The following KIAA1586 variants were observed in gnomAD, a reference collection of about 807,000 sequenced individuals.
The protein encoded by KIAA1586 is KIAA1586, also known as E3 SUMO-protein ligase KIAA1586.
Under a neutral mutation model 6.1 loss-of-function variants are expected in KIAA1586, and 5 were observed. The ratio of observed to expected loss-of-function variants is 0.82; its 90% CI spans 0.43 to 1.73. The LOEUF (loss-of-function observed/expected upper bound fraction) is 1.73. Ranked by LOEUF, KIAA1586 falls within the 40% of genes most tolerant of loss-of-function variation. KIAA1586 has a pLI of 0.02. For synonymous variants in KIAA1586, 280 were observed against 301.7 expected, an observed-to-expected ratio of 0.93 and a Z score of 0.75; for missense variants, 899 against 878.2, an observed-to-expected ratio of 1.02 and a Z score of -0.30.
chr6:57,063,367 G>A, the KIAA1586 span, among the ~76,000 whole-genome samples: 1 of 149,202 alleles, frequency 6.7e-6, no homozygotes, highest in Non-Finnish European at 1.5e-5. Context: ...CCCAGTAAAA[G>A]TATTTTTAAA....
chr6:57,064,025 T>G, the KIAA1586 span, among the ~76,000 whole-genome samples: 2 of 152,162 alleles, frequency 1.3e-5, no homozygotes, highest in African/African-American at 4.8e-5. Flanking sequence ...GTGTAAGACA[T>G]CAGTAACACT....
At chr6:57,062,515 G>A in the KIAA1586 span, among the ~76,000 whole-genome samples, 1 of 152,140 alleles carries the variant, frequency 6.6e-6, no homozygotes, top group South Asian at 2.1e-4. Flanking sequence ...TGGAGTGACT[G>A]CTCTTAAATA....
chr6:57,054,766 C>A lies in KIAA1586; in HGVS notation c.2267C>A (p.Ser756Ter). 2 of 1,551,200 alleles carry A rather than the reference C, an allele frequency of 1.3e-6. No individual in the cohort carries two copies. Among genetic ancestry groups the A allele is most frequent in the South Asian group, 2.4e-5 (2 of 83,976 alleles). ...WDATPFVKSW[S>*]NCNHRLATDT... ...GCAACACCGTTTGTAAAATCTTGGT[C>A]AAATTGCAACCACAGGTTGGCTACA... Residue 756 changes from serine to a stop codon, truncating the protein, a stop_gained, in exon 4 of 4, where the codon TCA becomes TAA. Coordinates refer to ENST00000370733, the MANE Select transcript of KIAA1586 (RefSeq NM_020931.4). LOFTEE classifies it high-confidence loss of function.
rs1192446775 is a variant in KIAA1586, at chr6:57,055,049, C to T, written c.*186C>T. ...AGCTATAGTTTTTTAGAGATTGGCC[C>T]ATGTTTGCTAGAGTGGGTCATAATA... On this transcript the variant is annotated 3_prime_UTR_variant, in exon 4 of 4. Coordinates refer to ENST00000370733, the MANE Select transcript of KIAA1586 (RefSeq NM_020931.4). The T allele has an allele frequency of 1.6e-6, 1 of 613,182 alleles. No individual in the cohort carries two copies. The highest frequency in any genetic ancestry group is 2.6e-6 in the Non-Finnish European group (1 of 386,044). The allele number at this position is 613,182 out of a possible 1,614,324, so 38.0% of individuals were successfully genotyped here.
Position 57,053,299 on chromosome 6 carries a change from A to T in KIAA1586, c.800A>T (p.Glu267Val). ...VKHNRPLSDI[E>V]GARELQEKNG... ...CATAACAGACCTTTATCTGATATTG[A>T]GGGGGCAAGAGAATTACAGGAAAAA... The change falls in exon 4 of 4, where the codon GAG (glutamate) becomes GTG (valine). Residue 267 changes from glutamate (E) to valine (V), a missense_variant. Transcript: ENST00000370733. 1 of 1,612,284 alleles carries T rather than the reference A, an allele frequency of 6.2e-7. No homozygotes were observed. Among genetic ancestry groups the T allele is most frequent in the East Asian group, 2.2e-5 (1 of 44,830 alleles).
Position 57,053,282 on chromosome 6 carries a change from A to T in KIAA1586, c.783A>T (p.Arg261Ser), listed in dbSNP as rs768171856. The T allele has an allele frequency of 6.2e-7, 1 of 1,609,712 alleles. No individual in the cohort carries two copies. Residue 261 changes from arginine to serine, a missense_variant, in exon 4 of 4, where the codon AGA (arginine) becomes AGT (serine). Transcript: ENST00000370733. ...NTVYSLVKHN[R>S]PLSDIEGARE... Reference sequence around the variant, plus strand: ...TTTACAGTTTAGTAAAACATAACAGACCTTTATCTGATATTGAGGGGGCAA... The same window carrying T: ...TTTACAGTTTAGTAAAACATAACAGTCCTTTATCTGATATTGAGGGGGCAA...
At chr6:57,050,024 C>T (rs1344845961) in intron 2 of KIAA1586, among the ~76,000 whole-genome samples, 1 of 151,576 alleles carries the variant, frequency 6.6e-6, no homozygotes, top group Admixed American at 6.6e-5. Context: ...GAGGTAGGGC[C>T]AGGGGGTGGG....
the KIAA1586 span, among the ~76,000 whole-genome samples, chr6:57,064,559 C>A: frequency 6.6e-6 from 1 of 152,134 alleles, no homozygotes; most frequent in Admixed American, 6.5e-5. Context: ...CACATTTTTT[C>A]TTACAAAATC....
rs762138167 is a variant in KIAA1586 at position 57,054,853 on chromosome 6, A to C, written c.2354A>C (p.Asn785Thr). ...VFHENQLAIWNLK is the reference protein window; with the variant it reads ...VFHENQLAIWTLK The stretch of plus-strand genomic sequence containing the variant: ...CATGAGAATCAATTGGCTATATGGA[A>C]CTTAAAATAGAATATTGTATACGTT... Residue 785 changes from asparagine to threonine, a missense_variant, in exon 4 of 4, where the codon AAC becomes ACC. By Grantham distance (65) the Asn-to-Thr change is moderately conservative (BLOSUM62 0). Transcript: ENST00000370733. 5 of 1,546,546 alleles carry C rather than the reference A, an allele frequency of 3.2e-6. No individual in the cohort carries two copies. In the South Asian group the frequency reaches 6.0e-5, roughly 19 times the overall value.
the KIAA1586 span, among the ~76,000 whole-genome samples, chr6:57,065,849 A>T: frequency 6.6e-6 from 1 of 152,300 alleles, no homozygotes; most frequent in South Asian, 2.1e-4. Flanking sequence ...AATTTCAGTT[A>T]TTCTGGGAAT....
the KIAA1586 span, among the ~76,000 whole-genome samples, chr6:57,060,808 T>C: frequency 6.6e-6 from 1 of 152,112 alleles, no homozygotes. Context: ...ATGTGATTTA[T>C]TTATTTATTT....
intron 2 of KIAA1586, among the ~76,000 whole-genome samples, chr6:57,049,195 GGT>G (rs1280919578): frequency 6.6e-6 from 1 of 152,084 alleles, no homozygotes; most frequent in Non-Finnish European, 1.5e-5. Flanking sequence ...GCATTTCAGT[GGT>G]GCCACATAAA....
In KIAA1586 at chr6:57,054,294, A is replaced by T. The variant is rs993064436; in HGVS notation, c.1795A>T (p.Asn599Tyr). 1.3e-6 allele frequency: 2 copies of T among 1,580,402 alleles called. No homozygotes were observed. The highest frequency in any genetic ancestry group is 8.6e-7 in the Non-Finnish European group (1 of 1,166,380). ...TCCATTTAATAAAAACAATAAATTT[A>T]ATGCTCTTCCTAGGAGTATATTACT... ...DIPFNKNNKF[N>Y]ALPRSILLDN... Residue 599 changes from asparagine (N) to tyrosine (Y), a missense_variant, in exon 4 of 4, where the codon AAT (asparagine) becomes TAT (tyrosine). Transcript: ENST00000370733.
chr6:57,065,475 G>GT, the KIAA1586 span, among the ~76,000 whole-genome samples: 1 of 150,480 alleles, frequency 6.6e-6, no homozygotes, highest in Non-Finnish European at 1.5e-5. Context: ...GAAAATGGCT[G>GT]TTGTGTTGCC....
At chr6:57,064,454 C>G in the KIAA1586 span, among the ~76,000 whole-genome samples, 1 of 152,172 alleles carries the variant, frequency 6.6e-6, no homozygotes, top group Non-Finnish European at 1.5e-5. Context: ...GAATTTTACT[C>G]TGTGGTAGAT....
At chr6:57,052,317 G>A (rs1455354740) in intron 3 of KIAA1586, among the ~76,000 whole-genome samples, 1 of 152,154 alleles carries the variant, frequency 6.6e-6, no homozygotes, top group Non-Finnish European at 1.5e-5. Context: ...AAGTATAGAG[G>A]AGGATATGCA....
Position 57,054,232 on chromosome 6 carries a change from T to C in KIAA1586, c.1733T>C (p.Ile578Thr). The change falls in exon 4 of 4, where the codon ATT (isoleucine) becomes ACT (threonine). Residue 578 changes from isoleucine to threonine, a missense_variant. Ile to Thr is a moderately conservative substitution (Grantham distance 89). Transcript: ENST00000370733. ...KIGTGKYESQIEDLIKSDKFK... is the reference protein window; with the variant it reads ...KIGTGKYESQTEDLIKSDKFK... ...GGTACTGGAAAGTATGAATCTCAAA[T>C]TGAAGATTTGATCAAGTCAGATAAG... 1 of 1,593,882 alleles carries C rather than the reference T, an allele frequency of 6.3e-7. No homozygotes were observed. The highest frequency in any genetic ancestry group is 2.2e-5 in the East Asian group (1 of 44,734).
chr6:57,052,652 G>A, intron 3 of KIAA1586, 34 bp from the exon 4 acceptor site: 1 of 1,477,160 alleles, frequency 6.8e-7, no homozygotes, highest in Non-Finnish European at 9.0e-7. Flanking sequence ...AAAGTGTTAT[G>A]AATTTTACTT....
chr6:57,055,028 A>G lies in KIAA1586; in HGVS notation c.*165A>G, dbSNP rs940022504. The G allele has an allele frequency of 8.7e-6, 7 of 803,560 alleles. No homozygotes were observed. Among genetic ancestry groups the G allele is most frequent in the South Asian group, 7.2e-5 (3 of 41,810 alleles). The allele number at this position is 803,560 out of a possible 1,614,324, so 49.8% of individuals were successfully genotyped here. ...ATCTTGAAGATTGGTTTTAGAAGCT[A>G]TAGTTTTTTAGAGATTGGCCCATGT... is the stretch of plus-strand genomic sequence containing the variant. On this transcript the variant is annotated 3_prime_UTR_variant, in exon 4 of 4. Coordinates refer to ENST00000370733, the MANE Select transcript of KIAA1586 (RefSeq NM_020931.4).
Sources: gnomAD v4.1 joint callset for allele counts (sites outside exome capture counted in the v4.1 genomes callset) on GRCh38, gnomAD v4.1.1 for gene constraint, MANE v1.5 for transcripts, NCBI Gene and HGNC (gene_info 2026-07-23, HGNC 2026-07-21) for gene names.